Variants in DGKB observed in about 807,000 individuals in gnomAD.
DGKB encodes diacylglycerol kinase beta, also known as 90 kDa diacylglycerol kinase.
A neutral mutation model predicts 114.3 loss-of-function variants in DGKB; 67 were observed. That is an observed-to-expected ratio of 0.59 (90% CI 0.48 to 0.72). DGKB has a LOEUF of 0.72. Among genes scored for constraint, DGKB ranks in the 30% least tolerant of loss-of-function variants. DGKB has a pLI of 0.00. For synonymous variants in DGKB, 398 were observed against 323.1 expected (o/e 1.23, Z -2.49); for missense variants, 907 against 975.2 (o/e 0.93, Z 0.93).
chr7:14,849,567 C>G (rs575693443), intron 1 of DGKB, among the ~76,000 whole-genome samples: 40 of 152,244 alleles, frequency 2.6e-4, no homozygotes, highest in South Asian at 6.2e-4. Context: ...AAATAAATTT[C>G]TCTTTATTAT....
At chr7:14,308,765 C>T (rs1003210625) in intron 23 of DGKB, among the ~76,000 whole-genome samples, 2 of 152,122 alleles carry the variant, frequency 1.3e-5, no homozygotes, top group Non-Finnish European at 2.9e-5. Flanking sequence ...GAAGAAAGCC[C>T]TTAGAGATTA....
At chr7:14,492,675 G>A (rs938946638) in intron 20 of DGKB, among the ~76,000 whole-genome samples, 10 of 151,888 alleles carry the variant, frequency 6.6e-5, no homozygotes, top group African/African-American at 2.2e-4. Flanking sequence ...GTATTTCTAG[G>A]TCTGACCTTT....
chr7:14,609,888 T>C (rs1219492504), intron 16 of DGKB, among the ~76,000 whole-genome samples: 2 of 152,100 alleles, frequency 1.3e-5, no homozygotes, highest in Non-Finnish European at 2.9e-5. Context: ...CTGGCAAGGC[T>C]GCAAAGAAAA....
intron 23 of DGKB, among the ~76,000 whole-genome samples, chr7:14,321,869 A>G (rs1807888988): frequency 1.3e-5 from 2 of 152,232 alleles, no homozygotes; most frequent in Admixed American, 6.5e-5. Context: ...AAACCATTAT[A>G]AGAAACTAAA....
At chr7:14,506,507 T>C (rs1787090758) in intron 20 of DGKB, among the ~76,000 whole-genome samples, 3 of 152,150 alleles carry the variant, frequency 2.0e-5, no homozygotes, top group South Asian at 4.1e-4. Context: ...CCTGGCTAAC[T>C]CTGGGAACTC....
At chr7:14,514,491 G>T (rs997992411) in intron 20 of DGKB, among the ~76,000 whole-genome samples, 1 of 152,064 alleles carries the variant, frequency 6.6e-6, no homozygotes, top group Non-Finnish European at 1.5e-5. Flanking sequence ...GCACCCAATA[G>T]AATTTTATTG....
intron 1 of DGKB, among the ~76,000 whole-genome samples, chr7:14,973,044 G>C (rs1399540640): frequency 2.0e-5 from 3 of 151,922 alleles, no homozygotes. Flanking sequence ...AATATGCTCT[G>C]CTAAAGGCTT....
At chr7:14,308,480 A>G (rs1804842554) in intron 23 of DGKB, among the ~76,000 whole-genome samples, 1 of 152,238 alleles carries the variant, frequency 6.6e-6, no homozygotes, top group Non-Finnish European at 1.5e-5. Flanking sequence ...CAAATTACAA[A>G]TGAAATTTTT....
intron 20 of DGKB, among the ~76,000 whole-genome samples, chr7:14,524,631 C>T (rs1790338601): frequency 6.6e-6 from 1 of 151,842 alleles, no homozygotes; most frequent in South Asian, 2.1e-4. Flanking sequence ...TGGTATGTGC[C>T]TGTAGTCCCA....
chr7:14,575,140 A>T (rs1279574732), intron 19 of DGKB, among the ~76,000 whole-genome samples: 3 of 152,168 alleles, frequency 2.0e-5, no homozygotes, highest in African/African-American at 7.2e-5. Flanking sequence ...CAATAAAATT[A>T]AATAAAACTA....
At chr7:14,167,646 G>C (rs1383743964) in intron 25 of DGKB, among the ~76,000 whole-genome samples, 3 of 152,112 alleles carry the variant, frequency 2.0e-5, no homozygotes, top group Non-Finnish European at 4.4e-5. Flanking sequence ...CTGCATTTGG[G>C]GGTATATCAT....
At chr7:14,962,115 A>C (rs926758875) in intron 1 of DGKB, among the ~76,000 whole-genome samples, 5 of 152,150 alleles carry the variant, frequency 3.3e-5, no homozygotes, top group Non-Finnish European at 7.4e-5. Context: ...TATGTGACAC[A>C]AGTGTATAAT....
intron 13 of DGKB, among the ~76,000 whole-genome samples, chr7:14,636,838 A>T (rs1054835635): frequency 1.3e-5 from 2 of 151,912 alleles, no homozygotes; most frequent in African/African-American, 4.8e-5. Flanking sequence ...AACACTAATT[A>T]TTTTTGTCTT....
chr7:14,379,702 G>C (rs1430532732), intron 21 of DGKB, among the ~76,000 whole-genome samples: 1 of 152,110 alleles, frequency 6.6e-6, no homozygotes, highest in East Asian at 1.9e-4. Context: ...TGGGATTACA[G>C]GCACGTGCCA....
intron 6 of DGKB, among the ~76,000 whole-genome samples, chr7:14,716,743 T>C (rs1215573201): frequency 6.6e-6 from 1 of 152,052 alleles, no homozygotes; most frequent in Non-Finnish European, 1.5e-5. Context: ...GAGCCAGGCA[T>C]TGGCATTAAA....
chr7:14,509,708 C>T (rs538678800), intron 20 of DGKB, among the ~76,000 whole-genome samples: 1 of 152,322 alleles, frequency 6.6e-6, no homozygotes, highest in South Asian at 2.1e-4. Context: ...GTGAGCAAGC[C>T]TCCGACGCTC....
chr7:14,894,667 G>T (rs1048874525), intron 1 of DGKB, among the ~76,000 whole-genome samples: 1 of 151,338 alleles, frequency 6.6e-6, no homozygotes, highest in African/African-American at 2.4e-5. Context: ...TAATATAGTT[G>T]CCTAAGCACC....
intron 21 of DGKB, among the ~76,000 whole-genome samples, chr7:14,453,752 C>G (rs771665891): frequency 6.6e-6 from 1 of 152,138 alleles, no homozygotes; most frequent in African/African-American, 2.4e-5. Flanking sequence ...GTCTCTGTCA[C>G]AACTCAGCTC....
chr7:14,797,127 T>G (rs1442173870), intron 2 of DGKB, among the ~76,000 whole-genome samples: 1 of 152,178 alleles, frequency 6.6e-6, no homozygotes, highest in Non-Finnish European at 1.5e-5. Context: ...TACTTTTTAC[T>G]TTCATGTTTT....
Sources: gnomAD v4.1 joint callset for allele counts (sites outside exome capture counted in the v4.1 genomes callset) on GRCh38, gnomAD v4.1.1 for gene constraint, MANE v1.5 for transcripts, NCBI Gene and HGNC (gene_info 2026-07-23, HGNC 2026-07-21) for gene names.